Variants in MAP3K5 observed in about 807,000 individuals in gnomAD.
MAP3K5 encodes ASK-1.
In MAP3K5, 56 loss-of-function variants were observed where a neutral mutation model predicts 158.7. That is an observed-to-expected ratio of 0.35 (90% CI 0.28 to 0.44). The LOEUF (loss-of-function observed/expected upper bound fraction) is 0.44. Ranked by LOEUF, MAP3K5 falls within the 20% of genes least tolerant of loss-of-function variation. The pLI is 1.00. For synonymous variants in MAP3K5, 579 were observed against 601.7 expected (o/e 0.96, Z 0.55); for missense variants, 1,294 against 1,674.8 (o/e 0.77, Z 3.97).
chr6:136,728,635 C>A (rs993551831), intron 1 of MAP3K5, among the ~76,000 whole-genome samples: 2 of 152,154 alleles, frequency 1.3e-5, no homozygotes, highest in African/African-American at 4.8e-5. Context: ...ACAGTATATT[C>A]TGGTCCATGA....
intron 7 of MAP3K5, among the ~76,000 whole-genome samples, chr6:136,684,058 C>T (rs534540041): frequency 6.6e-6 from 1 of 152,038 alleles, no homozygotes; most frequent in East Asian, 1.9e-4. Flanking sequence ...ATAGCGAGAT[C>T]CCATCTCTAC....
At position 136,613,615 on chromosome 6, in the gene MAP3K5, G is replaced by A. The variant is rs1776436373; in HGVS notation, c.2279-359C>T. Among the ~76,000 whole-genome samples, 1 of 152,042 alleles carries A rather than the reference G, an allele frequency of 6.6e-6. No homozygotes were observed. Among genetic ancestry groups the A allele is most frequent in the African/African-American group, 2.4e-5 (1 of 41,400 alleles). On this transcript the variant is annotated intron_variant, in intron 16 of 29. Transcript: ENST00000359015. The surrounding 1 kb of genome is among the most constrained non-coding windows in gnomAD (Gnocchi z 4.0). ...CTTATTATTTAAGGAATGTGACTTTGTGGCCTGAGTCATATAGCATTCAGT... is the reference window on the plus strand; with the variant it reads ...CTTATTATTTAAGGAATGTGACTTTATGGCCTGAGTCATATAGCATTCAGT...
chr6:136,580,043 AC>A (rs2129074831), intron 25 of MAP3K5, among the ~76,000 whole-genome samples: 1 of 152,314 alleles, frequency 6.6e-6, no homozygotes, highest in South Asian at 2.1e-4. Context: ...TATCTGAGTC[AC>A]CTGTATACTT....
intron 1 of MAP3K5, among the ~76,000 whole-genome samples, chr6:136,757,976 G>A (rs1386853965): frequency 1.3e-5 from 2 of 152,222 alleles, no homozygotes; most frequent in Non-Finnish European, 2.9e-5. Flanking sequence ...AAGTGGCAAA[G>A]TGGTAATAGG....
chr6:136,756,581 A>G (rs1783501606), intron 1 of MAP3K5, among the ~76,000 whole-genome samples: 1 of 152,100 alleles, frequency 6.6e-6, no homozygotes, highest in African/African-American at 2.4e-5. Flanking sequence ...CCTGTGTTGT[A>G]CTCATCTCTT....
Position 136,792,133 on chromosome 6 carries a change from T to G in MAP3K5, c.25A>C (p.Ile9Leu), listed in dbSNP as rs751150927. Residue 9 changes from isoleucine to leucine, a missense_variant, in exon 1 of 30, where the codon ATC (isoleucine) becomes CTC (leucine). Coordinates refer to ENST00000359015, the MANE Select transcript of MAP3K5 (RefSeq NM_005923.4). This position sits in a 1 kb window ranked among gnomAD's most constrained non-coding sequence, Gnocchi z 5.7. MSTEADEG[I>L]TFSVPPFAPS... ...GCGAAGGGTGGCACAGAGAAAGTGATGCCCTCGTCCGCCTCCGTGCTCATC... is the reference window on the plus strand; with the variant it reads ...GCGAAGGGTGGCACAGAGAAAGTGAGGCCCTCGTCCGCCTCCGTGCTCATC... The G allele has an allele frequency of 1.3e-6, 2 of 1,578,610 alleles. No homozygotes were observed. Among genetic ancestry groups the G allele is most frequent in the Non-Finnish European group, 1.7e-6 (2 of 1,165,016 alleles).
chr6:136,623,011 C>A, intron 14 of MAP3K5, 30 bp from the exon 15 acceptor site: 1 of 1,607,774 alleles, frequency 6.2e-7, no homozygotes, highest in South Asian at 1.1e-5. Context: ...GAGAAAAGAT[C>A]AAAACATTAG....
chr6:136,570,037 TA>T, intron 25 of MAP3K5, among the ~76,000 whole-genome samples: 2 of 152,286 alleles, frequency 1.3e-5, no homozygotes, highest in South Asian at 4.2e-4. Flanking sequence ...ACATTTTGCC[TA>T]GATTTCCTCG....
intron 25 of MAP3K5, among the ~76,000 whole-genome samples, chr6:136,570,147 A>G (rs889044554): frequency 6.6e-6 from 1 of 152,188 alleles, no homozygotes; most frequent in African/African-American, 2.4e-5. Flanking sequence ...AGGGGAGTCC[A>G]TTGGGAGCAA....
intron 7 of MAP3K5, among the ~76,000 whole-genome samples, chr6:136,682,303 G>A (rs955842576): frequency 2.0e-5 from 3 of 152,162 alleles, no homozygotes; most frequent in African/African-American, 7.2e-5. Context: ...TAAAACTCTG[G>A]AGGTGGGGAG....
intron 10 of MAP3K5, among the ~76,000 whole-genome samples, chr6:136,653,800 C>T (rs902924554): frequency 6.6e-5 from 10 of 152,126 alleles, no homozygotes; most frequent in African/African-American, 2.4e-4. Flanking sequence ...TCTTGGTAGA[C>T]TGGCATTTTC....
At chr6:136,655,656 A>C (rs756244811) in intron 10 of MAP3K5, among the ~76,000 whole-genome samples, 1 of 152,046 alleles carries the variant, frequency 6.6e-6, no homozygotes, top group Non-Finnish European at 1.5e-5. Context: ...GATATTAAGA[A>C]CCATCCAGAG....
At chr6:136,590,604 G>A (rs577788755) in intron 23 of MAP3K5, among the ~76,000 whole-genome samples, 46 of 150,974 alleles carry the variant, frequency 3.0e-4, no homozygotes, top group African/African-American at 1.0e-3. Flanking sequence ...GCAGTGGCGC[G>A]ATCTCAGCTC....
chr6:136,676,695 G>A (rs1779715213), intron 7 of MAP3K5, among the ~76,000 whole-genome samples: 1 of 151,598 alleles, frequency 6.6e-6, no homozygotes, highest in Non-Finnish European at 1.5e-5. Flanking sequence ...GTCATAGCAA[G>A]CATGTTGATA....
At chr6:136,640,840 T>C (rs1777894994) in intron 12 of MAP3K5, among the ~76,000 whole-genome samples, 1 of 152,220 alleles carries the variant, frequency 6.6e-6, no homozygotes, top group South Asian at 2.1e-4. Flanking sequence ...TTGTCATCTC[T>C]TCTTTGTGGA....
chr6:136,691,801 T>C (rs1016498850), intron 7 of MAP3K5, among the ~76,000 whole-genome samples: 1 of 152,164 alleles, frequency 6.6e-6, no homozygotes. Context: ...ACTTCAGATA[T>C]TGTACTTTTC....
chr6:136,688,442 C>A (rs968554967), intron 7 of MAP3K5, among the ~76,000 whole-genome samples: 2 of 152,054 alleles, frequency 1.3e-5, no homozygotes, highest in Admixed American at 1.3e-4. Flanking sequence ...ATCTAGAAAT[C>A]TTTGAGCTCT....
At chr6:136,730,531 C>T (rs1449359088) in intron 1 of MAP3K5, among the ~76,000 whole-genome samples, 1 of 151,754 alleles carries the variant, frequency 6.6e-6, no homozygotes, top group East Asian at 1.9e-4. Flanking sequence ...ACCATCCTGG[C>T]TAACACAGTA....
At chr6:136,735,363 T>A (rs12173676) in intron 1 of MAP3K5, among the ~76,000 whole-genome samples, 55,244 of 152,126 alleles carry the variant, frequency 0.36, 11,985 homozygotes, top group Middle Eastern at 0.49. Flanking sequence ...TAGTCAACTG[T>A]AATGTGTGGA....
Sources: allele counts gnomAD v4.1 joint callset (sites outside exome capture counted in the v4.1 genomes callset), GRCh38; gene constraint gnomAD v4.1.1; non-coding constraint Gnocchi (gnomAD v3.1); transcripts MANE v1.5; gene names NCBI Gene and HGNC (gene_info 2026-07-23, HGNC 2026-07-21).